HECW1: variants seen among roughly 807,000 people sequenced by gnomAD.
HECW1 encodes the protein HECT, C2 and WW domain containing E3 ubiquitin protein ligase 1.
Under a neutral mutation model 182.3 loss-of-function variants are expected in HECW1, and 61 were observed. The observed-to-expected ratio is 0.33, with a 90% confidence interval of 0.27 to 0.41. The LOEUF (loss-of-function observed/expected upper bound fraction) is 0.41, where lower values mean the gene tolerates loss of function less well. Ranked by LOEUF, HECW1 falls within the 10% of genes least tolerant of loss-of-function variation. The pLI is 1.00. For missense variants in HECW1, 1,739 were observed against 2,108.9 expected (o/e 0.82, Z 3.44); for synonymous variants, 859 against 832.6 (o/e 1.03, Z -0.55).
At chr7:43,371,745 C>T (rs1381001413) in intron 6 of HECW1, among the ~76,000 whole-genome samples, 5 of 152,184 alleles carry the variant, frequency 3.3e-5, no homozygotes, top group Non-Finnish European at 7.3e-5. Flanking sequence ...GGATGATACA[C>T]TCTAACGGCA....
chr7:43,436,302 A>G (rs9655442), intron 8 of HECW1, among the ~76,000 whole-genome samples: 35,410 of 152,038 alleles, frequency 0.23, 4,344 homozygotes, highest in South Asian at 0.3. Context: ...TCCTCTTCCC[A>G]GGTAGTTTGG....
intron 2 of HECW1, among the ~76,000 whole-genome samples, chr7:43,201,732 A>G (rs923277626): frequency 6.6e-6 from 1 of 152,208 alleles, no homozygotes; most frequent in Non-Finnish European, 1.5e-5. Flanking sequence ...GTCTGCAATG[A>G]CTTACGTCCA....
intron 14 of HECW1, 142 bp from the exon 15 acceptor site, chr7:43,466,305 A>G (rs1485751301): frequency 1.3e-6 from 1 of 779,172 alleles, no homozygotes; most frequent in African/African-American, 1.7e-5. Flanking sequence ...ACTGACATAC[A>G]TAAAGTAATG....
intron 3 of HECW1, among the ~76,000 whole-genome samples, chr7:43,286,298 A>G (rs948602111): frequency 1.3e-5 from 2 of 152,190 alleles, no homozygotes; most frequent in African/African-American, 4.8e-5. Flanking sequence ...CAGAGCATGC[A>G]GCCCAGTGAT....
At chr7:43,378,496 C>T (rs769746986) in intron 6 of HECW1, among the ~76,000 whole-genome samples, 3 of 152,238 alleles carry the variant, frequency 2.0e-5, no homozygotes, top group Non-Finnish European at 4.4e-5. Flanking sequence ...ATCCCAAATA[C>T]GCATGGTTAA....
intron 16 of HECW1, among the ~76,000 whole-genome samples, chr7:43,476,964 A>C (rs958870661): frequency 1.3e-5 from 2 of 152,206 alleles, no homozygotes; most frequent in Non-Finnish European, 2.9e-5. Context: ...TTGAAAGCAG[A>C]TGTATAACTT....
intron 2 of HECW1, among the ~76,000 whole-genome samples, chr7:43,209,624 T>C (rs1795819899): frequency 6.6e-6 from 1 of 152,178 alleles, no homozygotes; most frequent in Non-Finnish European, 1.5e-5. Context: ...GAGAGTGATT[T>C]TGCAGCCAGG....
intron 5 of HECW1, among the ~76,000 whole-genome samples, chr7:43,336,124 T>TTCTTTCTCTCTCTCTCTCTCTCTCTC (rs1313057919): frequency 3.1e-5 from 2 of 64,248 alleles, no homozygotes; most frequent in African/African-American, 1.5e-4. Context: ...CTTTCTTTCT[T>TTCTTTCTCTCTCTCTCTCTCTCTCTC]TCTCTCTCTC....
intron 2 of HECW1, among the ~76,000 whole-genome samples, chr7:43,175,165 G>T (rs371083129): frequency 1.3e-5 from 2 of 151,242 alleles, no homozygotes; most frequent in Admixed American, 6.6e-5. Flanking sequence ...TGTACAACAC[G>T]ATGTGTGTGT....
At position 43,487,310 on chromosome 7, in the gene HECW1, A is replaced by G. The variant is rs532072850; in HGVS notation, c.3235-4765A>G. 2.0e-5 allele frequency among the ~76,000 whole-genome samples: 3 copies of G among 152,302 alleles called. No homozygotes were observed. In the South Asian group the frequency reaches 6.2e-4, roughly 32 times the overall value. On this transcript the variant is annotated intron_variant, in intron 17 of 29. Coordinates refer to ENST00000395891, the MANE Select transcript of HECW1 (RefSeq NM_015052.5). ...GCTTGTTTACCAGTTGCTGAAAACT[A>G]TTTTCTGAGGATATCTATTTTGTTT...
At chr7:43,308,248 ATATATATTATATGATATATT>A (rs1200793484) in intron 3 of HECW1, among the ~76,000 whole-genome samples, 3 of 110,638 alleles carry the variant, frequency 2.7e-5, no homozygotes, top group East Asian at 2.2e-4. Flanking sequence ...TATATAATAT[ATATATATTATATGATATATT>A]TATATATTAT....
chr7:43,222,264 T>C (rs1365240862), intron 2 of HECW1, among the ~76,000 whole-genome samples: 1 of 152,144 alleles, frequency 6.6e-6, no homozygotes, highest in Non-Finnish European at 1.5e-5. Context: ...CTGGGTTTTT[T>C]TTGCTCTGAA....
intron 2 of HECW1, among the ~76,000 whole-genome samples, chr7:43,199,439 A>G (rs1403470100): frequency 6.6e-6 from 1 of 152,206 alleles, no homozygotes; most frequent in South Asian, 2.1e-4. Context: ...GCTTTTCATT[A>G]ACAGTTGAAT....
intron 2 of HECW1, chr7:43,151,113 G>A (rs1789270715): frequency 6.5e-6 from 1 of 152,836 alleles, no homozygotes; most frequent in Non-Finnish European, 1.5e-5. Context: ...TGCAGAGATG[G>A]TCCCGTGGTC....
At chr7:43,287,209 T>A (rs1166424011) in intron 3 of HECW1, among the ~76,000 whole-genome samples, 1 of 151,798 alleles carries the variant, frequency 6.6e-6, no homozygotes, top group East Asian at 1.9e-4. Flanking sequence ...AGAGTGAGCA[T>A]GGCAAAGGAT....
intron 5 of HECW1, among the ~76,000 whole-genome samples, chr7:43,330,137 C>A (rs1811289162): frequency 6.6e-6 from 1 of 152,246 alleles, no homozygotes; most frequent in Middle Eastern, 3.4e-3. Flanking sequence ...TCCCCTTGAG[C>A]CTGGGTGGGT....
At chr7:43,261,525 CAG>C (rs1257291280) in intron 3 of HECW1, among the ~76,000 whole-genome samples, 1 of 152,184 alleles carries the variant, frequency 6.6e-6, no homozygotes, top group African/African-American at 2.4e-5. Flanking sequence ...GCAGCTGGTG[CAG>C]AGTGACCTGG....
intron 6 of HECW1, among the ~76,000 whole-genome samples, chr7:43,379,204 G>A (rs920551288): frequency 2.6e-5 from 4 of 152,080 alleles, no homozygotes; most frequent in Admixed American, 6.6e-5. Context: ...TCCCTTTAAC[G>A]CTCAATCCCA....
intron 2 of HECW1, chr7:43,239,111 C>T (rs562567160): frequency 3.2e-4 from 49 of 152,278 alleles, no homozygotes; most frequent in African/African-American, 1.1e-3. Context: ...AACGTGAGAC[C>T]AGACGGCCAC....
Sources: allele counts gnomAD v4.1 joint callset (sites outside exome capture counted in the v4.1 genomes callset), GRCh38; gene constraint gnomAD v4.1.1; transcripts MANE v1.5; gene names NCBI Gene and HGNC (gene_info 2026-07-23, HGNC 2026-07-21).